SOCS7: variants seen among roughly 807,000 people sequenced by gnomAD.
SOCS7 encodes suppressor of cytokine signaling 7.
A neutral mutation model predicts 58.9 loss-of-function variants in SOCS7; 18 were observed. The observed-to-expected ratio is 0.31, with a 90% CI of 0.21 to 0.45. SOCS7 has a LOEUF of 0.45. Among genes scored for constraint, SOCS7 ranks in the 20% least tolerant of loss-of-function variants. SOCS7 has a pLI of 1.00. For missense variants in SOCS7, 667 were observed against 837.3 expected, an observed-to-expected ratio of 0.80 and a Z score of 2.51; for synonymous variants, 388 against 364.3, an observed-to-expected ratio of 1.06 and a Z score of -0.74.
intron 9 of SOCS7, 73 bp downstream of exon 9, chr17:38,396,071 C>T: frequency 7.7e-7 from 1 of 1,292,038 alleles, no homozygotes; most frequent in Non-Finnish European, 1.0e-6. Context: ...GAGCCTTGGG[C>T]CCCCTCCCCA....
chr17:38,394,828 T>C (rs1487985467), intron 7 of SOCS7, among the ~76,000 whole-genome samples: 3 of 152,026 alleles, frequency 2.0e-5, no homozygotes, highest in Non-Finnish European at 4.4e-5. Flanking sequence ...GGCGAGTGGA[T>C]TGCTTGAGCC....
chr17:38,385,377 C>A (rs1341075376), intron 7 of SOCS7, among the ~76,000 whole-genome samples: 1 of 151,540 alleles, frequency 6.6e-6, no homozygotes, highest in Non-Finnish European at 1.5e-5. Flanking sequence ...CAAAGGCTTA[C>A]CCAATTTGGA....
chr17:38,388,845 G>A (rs2038114818), intron 7 of SOCS7, among the ~76,000 whole-genome samples: 1 of 152,134 alleles, frequency 6.6e-6, no homozygotes, highest in South Asian at 2.1e-4. Context: ...TTTTATGACT[G>A]AATAACATTC....
intron 6 of SOCS7, among the ~76,000 whole-genome samples, chr17:38,374,717 A>G (rs1006224448): frequency 1.3e-5 from 2 of 152,258 alleles, no homozygotes; most frequent in African/African-American, 4.8e-5. Context: ...ATACCACATC[A>G]GAGGAATTAA....
intron 7 of SOCS7, among the ~76,000 whole-genome samples, chr17:38,389,902 C>G (rs1259700005): frequency 9.3e-5 from 6 of 64,702 alleles, no homozygotes; most frequent in South Asian, 9.7e-4. Flanking sequence ...TATATATACA[C>G]ATATAGAGAG....
intron 1 of SOCS7, among the ~76,000 whole-genome samples, chr17:38,355,218 C>T (rs1277773607): frequency 6.6e-6 from 1 of 152,170 alleles, no homozygotes; most frequent in Non-Finnish European, 1.5e-5. Flanking sequence ...AATTTGTCAC[C>T]TTCATGCTTC....
At chr17:38,397,145 A>G (rs956629604) in intron 9 of SOCS7, among the ~76,000 whole-genome samples, 6 of 152,212 alleles carry the variant, frequency 3.9e-5, no homozygotes, top group African/African-American at 1.4e-4. Context: ...ATATGGGAAT[A>G]AATGGCCTAG....
chr17:38,358,151 C>G (rs1483747142), intron 1 of SOCS7, among the ~76,000 whole-genome samples: 1 of 152,196 alleles, frequency 6.6e-6, no homozygotes, highest in Non-Finnish European at 1.5e-5. Context: ...GCTATTCTTT[C>G]CCACCCTACT....
intron 4 of SOCS7, 64 bp from the exon 5 acceptor site, chr17:38,366,223 A>T: frequency 6.3e-7 from 1 of 1,575,114 alleles, no homozygotes; most frequent in Non-Finnish European, 8.6e-7. Flanking sequence ...TTTTTGGGGG[A>T]GGGTCTATTT....
At chr17:38,396,058 A>G in intron 9 of SOCS7, 60 bp downstream of exon 9, 1 of 1,414,388 alleles carries the variant, frequency 7.1e-7, no homozygotes, top group East Asian at 2.4e-5. Flanking sequence ...ATCATCATGC[A>G]TTGAGCCTTG....
At chr17:38,366,667 T>C (rs919680222) in intron 5 of SOCS7, among the ~76,000 whole-genome samples, 12 of 152,188 alleles carry the variant, frequency 7.9e-5, no homozygotes, top group Non-Finnish European at 1.3e-4. Flanking sequence ...CTAAAATTTA[T>C]TTATATTTTT....
chr17:38,383,826 G>A (rs528742295), intron 7 of SOCS7, among the ~76,000 whole-genome samples: 1 of 152,292 alleles, frequency 6.6e-6, no homozygotes, highest in East Asian at 1.9e-4. Flanking sequence ...TTACAGGGGT[G>A]AGCCACCGCG....
At position 38,364,685 on chromosome 17, in the gene SOCS7, C is replaced by T. The variant is rs1327763274; in HGVS notation, c.1046-67C>T. On this transcript the variant is annotated intron_variant, in intron 2 of 9. Transcript: ENST00000612932. Reference sequence around the variant, plus strand: ...GCCTCGCCTGCTTGCCCTTTGCTTCCCTTTGCTTTCTGCATCAGCTTTGGG... The same window carrying T: ...GCCTCGCCTGCTTGCCCTTTGCTTCTCTTTGCTTTCTGCATCAGCTTTGGG... The T allele has an allele frequency of 2.2e-6, 3 of 1,342,076 alleles. No individual in the cohort carries two copies. In the East Asian group the frequency reaches 6.9e-5, roughly 31 times the overall value. 83.1% of individuals were successfully genotyped at this position (1,342,076 alleles called of 1,614,324 possible).
At chr17:38,393,353 T>C (rs1387013611) in intron 7 of SOCS7, among the ~76,000 whole-genome samples, 1 of 152,192 alleles carries the variant, frequency 6.6e-6, no homozygotes, top group Non-Finnish European at 1.5e-5. Flanking sequence ...TAAAACTATC[T>C]GGGCCGGGCA....
intron 6 of SOCS7, among the ~76,000 whole-genome samples, chr17:38,373,604 G>C (rs1357723897): frequency 6.6e-6 from 1 of 152,300 alleles, no homozygotes; most frequent in Admixed American, 6.5e-5. Context: ...TGCACAATGA[G>C]AACCTTTTTT....
At chr17:38,390,512 T>TG (rs1218907567) in intron 7 of SOCS7, among the ~76,000 whole-genome samples, 1 of 152,182 alleles carries the variant, frequency 6.6e-6, no homozygotes, top group Non-Finnish European at 1.5e-5. Context: ...TACATCAATT[T>TG]GGGGAGGGAA....
chr17:38,365,864 A>G, intron 4 of SOCS7: 1 of 426,640 alleles, frequency 2.3e-6, no homozygotes, highest in Non-Finnish European at 3.2e-6. Flanking sequence ...AAGGAATAAA[A>G]TGAATGAAAT....
intron 7 of SOCS7, among the ~76,000 whole-genome samples, chr17:38,389,895 A>ATG (rs2144391891): frequency 5.3e-5 from 5 of 94,180 alleles, no homozygotes; most frequent in African/African-American, 1.2e-4. Flanking sequence ...ACATATATAT[A>ATG]TATACACATA....
chr17:38,383,791 G>A (rs1207366827), intron 7 of SOCS7, among the ~76,000 whole-genome samples: 2 of 152,062 alleles, frequency 1.3e-5, no homozygotes, highest in Non-Finnish European at 2.9e-5. Flanking sequence ...TGATCCACCC[G>A]CCTCGGCCTC....
Sources: gnomAD v4.1 joint callset for allele counts (sites outside exome capture counted in the v4.1 genomes callset) on GRCh38, gnomAD v4.1.1 for gene constraint, MANE v1.5 for transcripts, NCBI Gene and HGNC (gene_info 2026-07-23, HGNC 2026-07-21) for gene names.